The following MAPKAP1 variants were observed in gnomAD, a reference collection of about 807,000 sequenced individuals.
MAPKAP1 encodes the protein MAPK associated protein 1.
A neutral mutation model predicts 65.7 loss-of-function variants in MAPKAP1; 20 were observed. The observed-to-expected ratio is 0.30, with a 90% CI of 0.21 to 0.44. The LOEUF (loss-of-function observed/expected upper bound fraction) is 0.44, where lower values mean the gene tolerates loss of function less well. Ranked by LOEUF, MAPKAP1 falls within the 20% of genes least tolerant of loss-of-function variation. MAPKAP1 has a pLI of 1.00. For synonymous variants in MAPKAP1, 222 were observed against 244.3 expected (o/e 0.91, Z 0.85); for missense variants, 423 against 648.0 (o/e 0.65, Z 3.77).
At chr9:125,594,082 C>G (rs944073521) in intron 4 of MAPKAP1, among the ~76,000 whole-genome samples, 3 of 152,232 alleles carry the variant, frequency 2.0e-5, no homozygotes, top group African/African-American at 7.2e-5. Context: ...CCAAATCTCT[C>G]TCCTTCCCAT....
At chr9:125,685,357 G>A (rs1834944078) in intron 1 of MAPKAP1, among the ~76,000 whole-genome samples, 1 of 152,192 alleles carries the variant, frequency 6.6e-6, no homozygotes, top group Non-Finnish European at 1.5e-5. Flanking sequence ...AAGCCATGTA[G>A]ACACTCCAGG....
chr9:125,466,104 G>C (rs915751796), intron 10 of MAPKAP1, among the ~76,000 whole-genome samples: 1 of 152,202 alleles, frequency 6.6e-6, no homozygotes, highest in African/African-American at 2.4e-5. Context: ...TTCTGGCTGA[G>C]AGTGGTGGCT....
chr9:125,578,190 G>C (rs1468560477), intron 5 of MAPKAP1, among the ~76,000 whole-genome samples: 1 of 152,168 alleles, frequency 6.6e-6, no homozygotes, highest in Non-Finnish European at 1.5e-5. Context: ...AATGGATTAA[G>C]GGCGTGCAAG....
intron 10 of MAPKAP1, among the ~76,000 whole-genome samples, chr9:125,467,484 T>C (rs1179771324): frequency 6.6e-6 from 1 of 152,236 alleles, no homozygotes; most frequent in Non-Finnish European, 1.5e-5. Flanking sequence ...GTCATGCAGC[T>C]GCCAATAATC....
At chr9:125,647,932 ATCT>A (rs1360413453) in intron 4 of MAPKAP1, among the ~76,000 whole-genome samples, 1 of 119,686 alleles carries the variant, frequency 8.4e-6, no homozygotes, top group African/African-American at 3.3e-5. Context: ...CAGTCCCAAT[ATCT>A]TTTTTTTTTT....
chr9:125,592,041 CTT>C (rs1289418225), intron 4 of MAPKAP1, among the ~76,000 whole-genome samples: 1 of 152,212 alleles, frequency 6.6e-6, no homozygotes, highest in East Asian at 1.9e-4. Flanking sequence ...ACTGGCTTAG[CTT>C]TATGTTCTCA....
At chr9:125,549,928 C>T (rs924362207) in intron 6 of MAPKAP1, among the ~76,000 whole-genome samples, 2 of 152,144 alleles carry the variant, frequency 1.3e-5, no homozygotes, top group Non-Finnish European at 1.5e-5. Context: ...ATTCACATTC[C>T]GTTCAGAATA....
At chr9:125,488,120 T>G (rs1252582696) in intron 8 of MAPKAP1, among the ~76,000 whole-genome samples, 1 of 152,184 alleles carries the variant, frequency 6.6e-6, no homozygotes, top group African/African-American at 2.4e-5. Context: ...GACCTTCTAC[T>G]CTCTGATAGC....
intron 1 of MAPKAP1, among the ~76,000 whole-genome samples, 192 bp from the exon 2 acceptor site, chr9:125,672,835 A>C (rs1834533779): frequency 6.6e-6 from 1 of 152,232 alleles, no homozygotes; most frequent in African/African-American, 2.4e-5. Context: ...AGCTCTAGTC[A>C]ATGAGATCTC....
chr9:125,455,895 T>C (rs115507102), intron 10 of MAPKAP1, among the ~76,000 whole-genome samples: 1,711 of 152,384 alleles, frequency 0.011, 41 homozygotes, highest in African/African-American at 0.038. Flanking sequence ...CTGGTATTTT[T>C]ACCCTCCAGC....
At chr9:125,509,654 T>C (rs1185641097) in intron 7 of MAPKAP1, among the ~76,000 whole-genome samples, 2 of 152,202 alleles carry the variant, frequency 1.3e-5, no homozygotes, top group East Asian at 1.9e-4. Context: ...CTGAGAGCAG[T>C]GCACAGACTG....
chr9:125,438,479 T>C lies in MAPKAP1; in HGVS notation c.*408A>G. 2.4e-6 allele frequency: 1 copy of C among 408,336 alleles called. No individual in the cohort carries two copies. Among genetic ancestry groups the C allele is most frequent in the Non-Finnish European group, 4.3e-6 (1 of 232,102 alleles). 25.3% of individuals were successfully genotyped at this position (408,336 alleles called of 1,614,324 possible). On this transcript the variant is annotated 3_prime_UTR_variant, in exon 12 of 12. Coordinates refer to ENST00000265960, the MANE Select transcript of MAPKAP1 (RefSeq NM_001006617.3). Reference sequence around the variant, plus strand: ...CCATCATACCAACCATGATAAAGAGTACACCTGTTTATTAAAAGGAAAAAC... The same window carrying C: ...CCATCATACCAACCATGATAAAGAGCACACCTGTTTATTAAAAGGAAAAAC...
At chr9:125,546,405 G>A (rs1830426316) in intron 6 of MAPKAP1, among the ~76,000 whole-genome samples, 1 of 152,182 alleles carries the variant, frequency 6.6e-6, no homozygotes, top group Non-Finnish European at 1.5e-5. Context: ...GAGATGGGCA[G>A]GGTTTTGTTT....
chr9:125,656,607 G>C (rs1195007103), intron 4 of MAPKAP1, among the ~76,000 whole-genome samples: 1 of 151,552 alleles, frequency 6.6e-6, no homozygotes, highest in East Asian at 1.9e-4. Flanking sequence ...GCTCAAAGAG[G>C]ACAAGTGACA....
Position 125,585,635 on chromosome 9 carries a change from T to C in MAPKAP1, c.591A>G (p.Thr197=). ...QDRLLPMTVV[T]MASARVQDLI... ...GGTCCTGCACCCTGGCGCTGGCCAT[T>C]GTCACCACGGTCATTGGCAGCAGTC... Residue 197 remains threonine, a synonymous_variant, in exon 5 of 12, where the codon ACA becomes ACG. Coordinates refer to ENST00000265960, the MANE Select transcript of MAPKAP1 (RefSeq NM_001006617.3). The C allele has an allele frequency of 1.2e-6, 2 of 1,614,248 alleles. No individual in the cohort carries two copies. The highest frequency in any genetic ancestry group is 1.3e-5 in the African/African-American group (1 of 75,068).
chr9:125,660,385 C>T (rs1249268816), intron 3 of MAPKAP1, among the ~76,000 whole-genome samples: 1 of 152,102 alleles, frequency 6.6e-6, no homozygotes, highest in Non-Finnish European at 1.5e-5. Flanking sequence ...AGTCACTGAG[C>T]TGTACATTTA....
chr9:125,664,724 C>CA lies in MAPKAP1; in HGVS notation c.349+5093dup, dbSNP rs1199612669. On this transcript the variant is annotated intron_variant, in intron 3 of 11. Transcript: ENST00000265960. ...TGGGCAACAGAGCAAGACTCACTCT[C>CA]AAAAAAAAAAAAAAAAGGAAAAGAA... is the stretch of plus-strand genomic sequence containing the variant. Among the ~76,000 whole-genome samples, 52 of 59,920 alleles carry CA rather than the reference C, an allele frequency of 8.7e-4. 3 individuals are homozygous for CA. The highest frequency in any genetic ancestry group is 2.3e-3 in the African/African-American group (43 of 18,770). 39.3% of individuals were successfully genotyped at this position (59,920 alleles called of 152,430 possible).
intron 1 of MAPKAP1, among the ~76,000 whole-genome samples, chr9:125,690,732 G>A (rs1307548547): frequency 1.3e-5 from 2 of 152,148 alleles, no homozygotes; most frequent in Admixed American, 6.5e-5. Context: ...GGCAACATTC[G>A]AGGTAGAAGA....
intron 9 of MAPKAP1, among the ~76,000 whole-genome samples, chr9:125,479,276 G>A (rs931932327): frequency 1.3e-4 from 20 of 152,024 alleles, no homozygotes; most frequent in South Asian, 2.1e-4. Context: ...GGGGTTTTTC[G>A]GTCATAGAAA....
Sources: gnomAD v4.1 joint callset for allele counts (sites outside exome capture counted in the v4.1 genomes callset) on GRCh38, gnomAD v4.1.1 for gene constraint, MANE v1.5 for transcripts, NCBI Gene and HGNC (gene_info 2026-07-23, HGNC 2026-07-21) for gene names.